MICAL2: variants seen among roughly 807,000 people sequenced by gnomAD.
The protein encoded by MICAL2 is [F-actin]-monooxygenase MICAL2.
Under a neutral mutation model 127.3 loss-of-function variants are expected in MICAL2, and 77 were observed. The ratio of observed to expected loss-of-function variants is 0.60; its 90% CI spans 0.50 to 0.73. The LOEUF (loss-of-function observed/expected upper bound fraction) is 0.73, where lower values mean the gene tolerates loss of function less well. Among genes scored for constraint, MICAL2 ranks in the 30% least tolerant of loss-of-function variants. The pLI is 0.00. For synonymous variants in MICAL2, 570 were observed against 551.1 expected, an observed-to-expected ratio of 1.03 and a Z score of -0.48; for missense variants, 1,351 against 1,434.4, an observed-to-expected ratio of 0.94 and a Z score of 0.94.
intron 32 of MICAL2, among the ~76,000 whole-genome samples, chr11:12,332,843 C>G (rs1938665622): frequency 1.3e-5 from 2 of 152,204 alleles, no homozygotes; most frequent in Admixed American, 1.3e-4. Flanking sequence ...TTGGAATTCT[C>G]TACCTGACTA....
At chr11:12,226,940 A>C in intron 14 of MICAL2, 85 bp from the exon 15 acceptor site, 2 of 1,080,434 alleles carry the variant, frequency 1.9e-6, no homozygotes, top group Admixed American at 3.5e-5. Context: ...GGCGTGAGCC[A>C]CCACACCCAG....
intron 2 of MICAL2, among the ~76,000 whole-genome samples, chr11:12,157,312 C>T (rs1199004457): frequency 6.6e-6 from 1 of 152,160 alleles, no homozygotes; most frequent in Non-Finnish European, 1.5e-5. Context: ...CTCAGGGACT[C>T]TGCATAAACC....
chr11:12,151,976 G>A (rs1400836679), intron 2 of MICAL2, among the ~76,000 whole-genome samples: 1 of 151,908 alleles, frequency 6.6e-6, no homozygotes, highest in Non-Finnish European at 1.5e-5. Flanking sequence ...ATGAAAGAAG[G>A]GCAGGAGAGT....
At chr11:12,159,874 A>G (rs772867655) in intron 2 of MICAL2, among the ~76,000 whole-genome samples, 1 of 152,176 alleles carries the variant, frequency 6.6e-6, no homozygotes, top group Non-Finnish European at 1.5e-5. Flanking sequence ...AGCACAGTGG[A>G]CGCTCACAGA....
chr11:12,247,023 G>A (rs767808296), intron 21 of MICAL2, among the ~76,000 whole-genome samples: 22 of 152,208 alleles, frequency 1.4e-4, no homozygotes, highest in South Asian at 6.2e-4. Context: ...GTGGTTGGGT[G>A]GGGGCTGGAG....
At chr11:12,155,338 A>G (rs985386882) in intron 2 of MICAL2, among the ~76,000 whole-genome samples, 2 of 152,024 alleles carry the variant, frequency 1.3e-5, no homozygotes, top group Non-Finnish European at 2.9e-5. Flanking sequence ...ATATACACAT[A>G]CATGTACATA....
In MICAL2 at chr11:12,226,381, G is replaced by A; in HGVS notation, c.1888+11G>A. 6.2e-7 allele frequency: 1 copy of A among 1,613,254 alleles called. No individual in the cohort carries two copies. The highest frequency in any genetic ancestry group is 8.5e-7 in the Non-Finnish European group (1 of 1,179,580). On this transcript the variant is annotated intron_variant, in intron 14 of 27. Coordinates refer to ENST00000683283, the MANE Select transcript of MICAL2 (RefSeq NM_001282663.2). The stretch of plus-strand genomic sequence containing the variant: ...CACTGAGGCCCGTGGGTAAGCACCT[G>A]CACAGAGGTTTTGCTTAGCCCCTTG...
At chr11:12,290,240 G>A (rs1486768791), downstream of MICAL2, among the ~76,000 whole-genome samples, 1 of 152,170 alleles carries the variant, frequency 6.6e-6, no homozygotes, top group Non-Finnish European at 1.5e-5. Context: ...GACCACATGT[G>A]GAGAGAAAGA....
Position 12,260,477 on chromosome 11 carries a change from A to G in MICAL2, c.3334+580A>G, listed in dbSNP as rs576359801. 8.6e-4 allele frequency: 961 copies of G among 1,112,430 alleles called. 8 individuals are homozygous for G. In the African/African-American group the frequency reaches 0.015, roughly 17 times the overall value. The allele number at this position is 1,112,430 out of a possible 1,614,324, so 68.9% of individuals were successfully genotyped here. On this transcript the variant is annotated intron_variant, in intron 26 of 27. Transcript: ENST00000683283. ...GAAAGCATTTTTTTCTATGAGTGTC[A>G]ATTTTTCTAAACATGGGTTTGAAGC...
At chr11:12,122,106 G>T (rs1387543205) in intron 1 of MICAL2, among the ~76,000 whole-genome samples, 1 of 152,206 alleles carries the variant, frequency 6.6e-6, no homozygotes, top group African/African-American at 2.4e-5. Context: ...CAGACCATGG[G>T]TTTTCAGTCA....
intron 32 of MICAL2, among the ~76,000 whole-genome samples, chr11:12,337,664 C>CGTTG (rs1938790934): frequency 6.6e-6 from 1 of 151,752 alleles, no homozygotes; most frequent in Non-Finnish European, 1.5e-5. Context: ...TCTTTGTTCT[C>CGTTG]GTTGGTTTCA....
Position 12,129,593 on chromosome 11 carries a change from C to T in MICAL2, c.-148-8797C>T, listed in dbSNP as rs528244571. 4.0e-5 allele frequency among the ~76,000 whole-genome samples: 6 copies of T among 150,598 alleles called. No individual in the cohort carries two copies. The South Asian group carries it at 1.0e-3, about 26-fold the overall frequency. ...GACTGGGAGGAGGTCATGTGGTGAC[C>T]AGCCGACCTTTATACAATTCTACTC... On this transcript the variant is annotated intron_variant, in intron 1 of 27. Transcript: ENST00000683283.
At chr11:12,203,224 C>T (rs1200138766) in intron 3 of MICAL2, among the ~76,000 whole-genome samples, 1 of 152,162 alleles carries the variant, frequency 6.6e-6, no homozygotes, top group African/African-American at 2.4e-5. Context: ...CATGAACATT[C>T]ACGTACAGGA....
chr11:12,119,900 G>A (rs1247314198), intron 1 of MICAL2, among the ~76,000 whole-genome samples: 4 of 152,178 alleles, frequency 2.6e-5, no homozygotes, highest in African/African-American at 9.7e-5. Flanking sequence ...TGGACAGAGA[G>A]GTGTGTTTCT....
intron 5 of MICAL2, 127 bp from the exon 6 acceptor site, chr11:12,209,370 T>C: frequency 1.3e-6 from 1 of 765,852 alleles, no homozygotes; most frequent in Non-Finnish European, 2.3e-6. Context: ...GCCTTTCCCC[T>C]GGAGGCTCTC....
chr11:12,325,680 A>G (rs1411741556), intron 31 of MICAL2, among the ~76,000 whole-genome samples: 5 of 152,114 alleles, frequency 3.3e-5, no homozygotes, highest in Non-Finnish European at 7.4e-5. Flanking sequence ...TTCCTCTTAT[A>G]AGGACATCAG....
intron 1 of MICAL2, chr11:12,121,583 T>A (rs1478973836): frequency 1.3e-5 from 2 of 151,376 alleles, no homozygotes; most frequent in African/African-American, 4.9e-5. Flanking sequence ...CTTCTCTAGT[T>A]GAAGAGAGAG....
chr11:12,170,920 GC>G (rs1856169109), intron 3 of MICAL2, among the ~76,000 whole-genome samples: 13 of 152,364 alleles, frequency 8.5e-5, no homozygotes, highest in African/African-American at 3.1e-4. Context: ...CAGGGAAGAT[GC>G]ACAGGGATAG....
intron 7 of MICAL2, among the ~76,000 whole-genome samples, chr11:12,215,021 C>T (rs1300475170): frequency 6.6e-6 from 1 of 152,238 alleles, no homozygotes; most frequent in African/African-American, 2.4e-5. Flanking sequence ...CTCAGTTTCA[C>T]CTCCATTGCA....
Sources: allele counts gnomAD v4.1 joint callset (sites outside exome capture counted in the v4.1 genomes callset), GRCh38; gene constraint gnomAD v4.1.1; transcripts MANE v1.5; gene names NCBI Gene and HGNC (gene_info 2026-07-23, HGNC 2026-07-21).